Variants in KCNG4 observed in about 807,000 individuals in gnomAD.
KCNG4 encodes the protein potassium voltage-gated channel modifier subfamily G member 4.
In KCNG4, 30 loss-of-function variants were observed where a neutral mutation model predicts 28.2. The ratio of observed to expected loss-of-function variants is 1.06; its 90% CI spans 0.80 to 1.44. The LOEUF is 1.44. Ranked by LOEUF, KCNG4 falls within the 40% of genes most tolerant of loss-of-function variation. KCNG4 has a pLI of 0.00. For missense variants in KCNG4, 879 were observed against 712.3 expected, an observed-to-expected ratio of 1.23 and a Z score of -2.66; for synonymous variants, 375 against 315.5, an observed-to-expected ratio of 1.19 and a Z score of -2.00.
intron 2 of KCNG4, among the ~76,000 whole-genome samples, chr16:84,230,274 G>A (rs1377161782): frequency 1.8e-4 from 27 of 152,058 alleles, no homozygotes; most frequent in Admixed American, 1.8e-3. Flanking sequence ...GCATGGTGGT[G>A]GGCGCCTGTA....
At chr16:84,227,213 T>C (rs1366613379) in intron 2 of KCNG4, among the ~76,000 whole-genome samples, 1 of 152,176 alleles carries the variant, frequency 6.6e-6, no homozygotes, top group Non-Finnish European at 1.5e-5. Flanking sequence ...TAAACAGAAT[T>C]ACCATGCAAC....
chr16:84,222,733 C>A lies in KCNG4; in HGVS notation c.1044G>T (p.Met348Ile). 6.2e-7 allele frequency: 1 copy of A among 1,612,874 alleles called. No homozygotes were observed. The highest frequency in any genetic ancestry group is 1.3e-5 in the African/African-American group (1 of 75,038). ...VLRALRILYV[M>I]RLARHSLGLQ... ...GCCCCAGCGAGTGGCGAGCCAGGCG[C>A]ATCACGTAGAGGATGCGCAGCGCTC... Residue 348 changes from methionine to isoleucine, a missense_variant, in exon 3 of 3, where the codon ATG (methionine) becomes ATT (isoleucine). By Grantham distance (10) the Met-to-Ile change is conservative. Coordinates refer to ENST00000308251, the MANE Select transcript of KCNG4 (RefSeq NM_172347.3).
chr16:84,238,732 G>A (rs2151341749), intron 1 of KCNG4, among the ~76,000 whole-genome samples: 1 of 152,268 alleles, frequency 6.6e-6, no homozygotes, highest in East Asian at 1.9e-4. Context: ...GCTAGGCAAG[G>A]TGGCATGTAC....
intron 2 of KCNG4, among the ~76,000 whole-genome samples, chr16:84,231,009 C>G (rs143328452): frequency 1.3e-5 from 2 of 152,188 alleles, no homozygotes; most frequent in African/African-American, 2.4e-5. Flanking sequence ...ATTTGAGCCA[C>G]CGGCCCCTGA....
At chr16:84,227,106 T>C (rs1365794688) in intron 2 of KCNG4, among the ~76,000 whole-genome samples, 2 of 151,864 alleles carry the variant, frequency 1.3e-5, no homozygotes, top group Admixed American at 6.6e-5. Context: ...TAGCCAAGTG[T>C]CGGTGAGATT....
intron 2 of KCNG4, among the ~76,000 whole-genome samples, chr16:84,233,663 T>C (rs1365239551): frequency 6.6e-6 from 1 of 151,562 alleles, no homozygotes; most frequent in Non-Finnish European, 1.5e-5. Context: ...GCCAAGATCA[T>C]GCCACTGCAC....
rs559047622 is a variant in KCNG4, at chr16:84,228,667, C to G, written c.757-5647G>C. The stretch of plus-strand genomic sequence containing the variant: ...ACTTCCCAACCCTGGGACACAAGGG[C>G]TCTGAGAGTGCTGGAACCAACCGGA... On this transcript the variant is annotated intron_variant, in intron 2 of 2. Coordinates refer to ENST00000308251, the MANE Select transcript of KCNG4 (RefSeq NM_172347.3). Among the ~76,000 whole-genome samples, 5 of 151,112 alleles carry G rather than the reference C, an allele frequency of 3.3e-5. No homozygotes were observed. In the East Asian group the frequency reaches 9.9e-4, roughly 30 times the overall value.
chr16:84,226,896 A>G lies in KCNG4; in HGVS notation c.757-3876T>C, dbSNP rs1351490335. On this transcript the variant is annotated intron_variant, in intron 2 of 2. Transcript: ENST00000308251. The surrounding 1 kb of genome is among the most constrained non-coding windows in gnomAD (Gnocchi z 4.1). The stretch of plus-strand genomic sequence containing the variant: ...TCCGTCTCAAAGACAAACATACACA[A>G]AAGCGGCAGAATATTGACCATTGTG... Among the ~76,000 whole-genome samples the G allele has an allele frequency of 6.6e-6, 1 of 151,958 alleles. No individual in the cohort carries two copies. Among genetic ancestry groups the G allele is most frequent in the Non-Finnish European group, 1.5e-5 (1 of 67,974 alleles).
At chr16:84,234,329 C>T (rs1597620687) in intron 2 of KCNG4, among the ~76,000 whole-genome samples, 1 of 152,268 alleles carries the variant, frequency 6.6e-6, no homozygotes, top group African/African-American at 2.4e-5. Flanking sequence ...CAAGCCACCA[C>T]ACCTGGCTAA....
chr16:84,225,083 G>A (rs1169204973), intron 2 of KCNG4, among the ~76,000 whole-genome samples: 1 of 152,088 alleles, frequency 6.6e-6, no homozygotes, highest in Non-Finnish European at 1.5e-5. Flanking sequence ...CACAGGATGC[G>A]CTGTAGCCAT....
chr16:84,228,613 C>T lies in KCNG4; in HGVS notation c.757-5593G>A, dbSNP rs181617352. Reference sequence around the variant, plus strand: ...CCTCCCCAGGTCTCCCCGCCACCCCCCCGCCCACTCCTTCTAGCAGCTGTC... The same window carrying T: ...CCTCCCCAGGTCTCCCCGCCACCCCTCCGCCCACTCCTTCTAGCAGCTGTC... On this transcript the variant is annotated intron_variant, in intron 2 of 2. Transcript: ENST00000308251. 9.5e-4 allele frequency among the ~76,000 whole-genome samples: 144 copies of T among 152,168 alleles called. 2 individuals are homozygous for T. The highest frequency in any genetic ancestry group is 2.2e-3 in the Admixed American group (34 of 15,290).
chr16:84,221,280 T>TG lies in KCNG4; in HGVS notation c.*936dup, dbSNP rs1243559407. On this transcript the variant is annotated 3_prime_UTR_variant, in exon 3 of 3. Transcript: ENST00000308251. ...CTGTGCCAAAGCTACATTGAGTCCA[T>TG]GGGGGCTCAGCTGTGGATGAAAAGC... 2.0e-5 allele frequency: 3 copies of TG among 152,242 alleles called. No individual in the cohort carries two copies. The highest frequency in any genetic ancestry group is 7.2e-5 in the African/African-American group (3 of 41,452). The allele number at this position is 152,242 out of a possible 1,614,324, so 9.4% of individuals were successfully genotyped here. A position where few individuals can be genotyped will look rare whatever the true frequency, so the allele number is the denominator to read the frequency against.
At chr16:84,223,048 G>C in intron 2 of KCNG4, 28 bp from the exon 3 acceptor site, 1 of 1,493,480 alleles carries the variant, frequency 6.7e-7, no homozygotes, top group Non-Finnish European at 9.0e-7. Context: ...AACAACGCGG[G>C]GTAGAGAGTG....
intron 2 of KCNG4, among the ~76,000 whole-genome samples, chr16:84,234,591 C>T (rs2151339608): frequency 6.6e-6 from 1 of 152,322 alleles, no homozygotes; most frequent in African/African-American, 2.4e-5. Context: ...AGCAAATGTC[C>T]ATCCATTGTT....
chr16:84,229,257 C>T (rs910341596), intron 2 of KCNG4, among the ~76,000 whole-genome samples: 3 of 150,724 alleles, frequency 2.0e-5, no homozygotes, highest in African/African-American at 7.3e-5. Context: ...TGTACCATTG[C>T]ACTCCAGCCT....
chr16:84,227,432 C>T (rs912351510), intron 2 of KCNG4, among the ~76,000 whole-genome samples: 2 of 152,258 alleles, frequency 1.3e-5, no homozygotes, highest in Admixed American at 6.5e-5. Flanking sequence ...CAAAAATTAG[C>T]CAGGCATGGT....
intron 2 of KCNG4, among the ~76,000 whole-genome samples, chr16:84,230,316 A>G (rs1013894895): frequency 6.6e-6 from 1 of 150,802 alleles, no homozygotes; most frequent in Non-Finnish European, 1.5e-5. Flanking sequence ...GAGGCAGGAG[A>G]ATCGCTTGAA....
At chr16:84,234,616 A>G (rs1018919620) in intron 2 of KCNG4, among the ~76,000 whole-genome samples, 2 of 152,188 alleles carry the variant, frequency 1.3e-5, no homozygotes, top group African/African-American at 4.8e-5. Context: ...TTTCTGATGG[A>G]AGAGTTCTGT....
intron 2 of KCNG4, among the ~76,000 whole-genome samples, chr16:84,234,449 G>C (rs1001139091): frequency 7.9e-5 from 12 of 152,162 alleles, no homozygotes; most frequent in African/African-American, 2.7e-4. Context: ...AGAGTGCTGA[G>C]CTTACAGGCG....
Sources: allele counts gnomAD v4.1 joint callset (sites outside exome capture counted in the v4.1 genomes callset), GRCh38; gene constraint gnomAD v4.1.1; non-coding constraint Gnocchi (gnomAD v3.1); transcripts MANE v1.5; gene names NCBI Gene and HGNC (gene_info 2026-07-23, HGNC 2026-07-21).